Variants in TTC39A observed in about 807,000 individuals in gnomAD.
The protein encoded by TTC39A is tetratricopeptide repeat protein 39A.
Under a neutral mutation model 82.3 loss-of-function variants are expected in TTC39A, and 46 were observed. The ratio of observed to expected loss-of-function variants is 0.56; its 90% CI spans 0.44 to 0.71. The LOEUF (loss-of-function observed/expected upper bound fraction) is 0.71, where lower values mean the gene tolerates loss of function less well. Ranked by LOEUF, TTC39A falls within the 30% of genes least tolerant of loss-of-function variation. TTC39A has a pLI of 0.00. For missense variants in TTC39A, 543 were observed against 712.9 expected (o/e 0.76, Z 2.71); for synonymous variants, 254 against 275.2 (o/e 0.92, Z 0.76).
At position 51,303,210 on chromosome 1, in the gene TTC39A, T is replaced by A; in HGVS notation, c.655-18A>T. ...CCATAGTCCTGAGGGGATGGGAGGG[T>A]GGGTGAGGCTCCCAGAGAGGGCAGG... On this transcript the variant is annotated intron_variant, in intron 8 of 17. Coordinates refer to ENST00000680483, the MANE Select transcript of TTC39A (RefSeq NM_001297663.2). 2 of 486,424 alleles carry A rather than the reference T, an allele frequency of 4.1e-6. No homozygotes were observed. Among genetic ancestry groups the A allele is most frequent in the African/African-American group, 2.3e-5 (1 of 44,206 alleles). 30.1% of individuals were successfully genotyped at this position (486,424 alleles called of 1,614,324 possible).
intron 3 of TTC39A, among the ~76,000 whole-genome samples, chr1:51,312,547 C>T (rs1041863802): frequency 2.0e-5 from 3 of 152,156 alleles, no homozygotes; most frequent in African/African-American, 7.2e-5. Flanking sequence ...TCTTCGTGTC[C>T]AGCCTGGCCT....
chr1:51,314,015 C>T (rs1645190765), intron 2 of TTC39A, among the ~76,000 whole-genome samples: 2 of 152,216 alleles, frequency 1.3e-5, no homozygotes, highest in South Asian at 2.1e-4. Flanking sequence ...GCTCAGCTCT[C>T]CCCATACTGT....
At chr1:51,290,672 G>C (rs758850640) in intron 14 of TTC39A, 47 bp from the exon 15 acceptor site, 7 of 1,518,382 alleles carry the variant, frequency 4.6e-6, no homozygotes, top group Non-Finnish European at 5.4e-6. Context: ...CCCTAATGGG[G>C]CCTCAGTTTT....
chr1:51,306,093 A>G lies in TTC39A; in HGVS notation c.489-17T>C. The G allele has an allele frequency of 6.4e-7, 1 of 1,557,894 alleles. No individual in the cohort carries two copies. Among genetic ancestry groups the G allele is most frequent in the Non-Finnish European group, 8.9e-7 (1 of 1,129,358 alleles). On this transcript the variant is annotated splice_polypyrimidine_tract_variant and intron_variant, in intron 6 of 17. Coordinates refer to ENST00000680483, the MANE Select transcript of TTC39A (RefSeq NM_001297663.2). ...TCCAGCTCCCTGCAGAGAGATGCCA[A>G]GTCCTGTTTCAGCCACTGCTGGGGG... is the stretch of plus-strand genomic sequence containing the variant.
At chr1:51,303,341 G>T in intron 8 of TTC39A, 149 bp from the exon 9 acceptor site, 3 of 655,788 alleles carry the variant, frequency 4.6e-6, no homozygotes, top group Non-Finnish European at 7.9e-6. Context: ...CTGAGCAAGT[G>T]GCTGCCCCTC....
At chr1:51,326,496 C>G (rs955538288) in intron 1 of TTC39A, among the ~76,000 whole-genome samples, 7 of 152,034 alleles carry the variant, frequency 4.6e-5, no homozygotes, top group African/African-American at 1.7e-4. Flanking sequence ...GACATCCGCC[C>G]CATTTGACTT....
chr1:51,332,444 A>G (rs1181208869), upstream of TTC39A, among the ~76,000 whole-genome samples: 3 of 152,214 alleles, frequency 2.0e-5, no homozygotes, highest in African/African-American at 7.2e-5. Context: ...TATTTTTAGT[A>G]GAGACAGGGT....
At chr1:51,309,240 C>CGGAT (rs768313413) in intron 6 of TTC39A, 21 bp downstream of exon 6, 1 of 1,591,084 alleles carries the variant, frequency 6.3e-7, no homozygotes, top group South Asian at 1.2e-5. Flanking sequence ...TCCCCACAAG[C>CGGAT]GGATGGCCAG....
intron 13 of TTC39A, chr1:51,295,807 AAG>A (rs1237723633): frequency 1.7e-5 from 9 of 531,918 alleles, no homozygotes; most frequent in African/African-American, 1.5e-4. Context: ...GTCCACATGA[AAG>A]AGACTCGGAG....
At chr1:51,295,667 G>A (rs751418049) in intron 13 of TTC39A, 31 of 202,316 alleles carry the variant, frequency 1.5e-4, no homozygotes, top group Non-Finnish European at 2.8e-4. Context: ...AACAAGCAGA[G>A]GCTGGGTTTA....
At chr1:51,312,014 G>A (rs1439755934) in intron 4 of TTC39A, 105 bp downstream of exon 4, 6 of 1,229,358 alleles carry the variant, frequency 4.9e-6, no homozygotes, top group Non-Finnish European at 6.8e-6. Flanking sequence ...TGGACACCAG[G>A]GCCTGGCCCC....
At chr1:51,320,154 AG>A (rs1271905150) in intron 2 of TTC39A, among the ~76,000 whole-genome samples, 3 of 152,132 alleles carry the variant, frequency 2.0e-5, no homozygotes, top group African/African-American at 4.8e-5. Context: ...CAGGAAAATG[AG>A]GGGGGTACTG....
chr1:51,338,598 CT>C (rs982499820), intron 1 of TTC39A, among the ~76,000 whole-genome samples: 4,144 of 111,834 alleles, frequency 0.037, 59 homozygotes, highest in Non-Finnish European at 0.057. Flanking sequence ...GGAGATTTAT[CT>C]TTTTTTTTTT....
Position 51,309,168 on chromosome 1 carries a change from CTCT to C in TTC39A, c.488+90_488+92del, listed in dbSNP as rs1269098688. On this transcript the variant is annotated intron_variant, in intron 6 of 17. Transcript: ENST00000680483. ...TACTAGGTTCTGGCCTCGGTTAGTA[CTCT>C]TCTTCTCCCACAAAGCCGCCTGAGG... The C allele has an allele frequency of 1.8e-5, 26 of 1,484,860 alleles. No homozygotes were observed. The East Asian group carries it at 2.2e-4, about 12-fold the overall frequency. The allele number at this position is 1,484,860 out of a possible 1,614,324, so 92.0% of individuals were successfully genotyped here.
At chr1:51,338,674 C>T (rs1646002073) in intron 1 of TTC39A, among the ~76,000 whole-genome samples, 1 of 144,704 alleles carries the variant, frequency 6.9e-6, no homozygotes, top group Non-Finnish European at 1.5e-5. Context: ...ACGATCTTGG[C>T]TCACTGCAAC....
In TTC39A at chr1:51,288,029, G is replaced by T; in HGVS notation, c.*128C>A. 7.2e-7 allele frequency: 1 copy of T among 1,393,920 alleles called. No homozygotes were observed. Among genetic ancestry groups the T allele is most frequent in the Non-Finnish European group, 9.7e-7 (1 of 1,035,110 alleles). The allele number at this position is 1,393,920 out of a possible 1,614,324, so 86.3% of individuals were successfully genotyped here. The stretch of plus-strand genomic sequence containing the variant: ...GGCTTCTGCACGGATACACTATGTT[G>T]TGCCATCCAACTGGAGTGCCGGTGG... On this transcript the variant is annotated 3_prime_UTR_variant, in exon 18 of 18. Coordinates refer to ENST00000680483, the MANE Select transcript of TTC39A (RefSeq NM_001297663.2). The surrounding 1 kb of genome is among the most constrained non-coding windows in gnomAD (Gnocchi z 4.8).
intron 1 of TTC39A, among the ~76,000 whole-genome samples, chr1:51,327,382 T>C (rs1645751547): frequency 6.6e-6 from 1 of 152,252 alleles, no homozygotes; most frequent in African/African-American, 2.4e-5. Flanking sequence ...GCAAAAATGA[T>C]TGTGACTCTC....
At chr1:51,289,969 C>T (rs766196117) in intron 16 of TTC39A, 36 bp downstream of exon 16, 1 of 1,578,500 alleles carries the variant, frequency 6.3e-7, no homozygotes, top group South Asian at 1.1e-5. Flanking sequence ...ACCCAGGAGA[C>T]TCAGACCCAG....
At chr1:51,300,759 C>T (rs1259268456) in intron 12 of TTC39A, 2 of 152,228 alleles carry the variant, frequency 1.3e-5, no homozygotes, top group African/African-American at 4.8e-5. Flanking sequence ...AATCCCTCCA[C>T]TATTTCTGGG....
Sources: allele counts gnomAD v4.1 joint callset (sites outside exome capture counted in the v4.1 genomes callset), GRCh38; gene constraint gnomAD v4.1.1; non-coding constraint Gnocchi (gnomAD v3.1); transcripts MANE v1.5; gene names NCBI Gene and HGNC (gene_info 2026-07-23, HGNC 2026-07-21).